The following ATP8A1 variants were observed in gnomAD, a reference collection of about 807,000 sequenced individuals.
The protein encoded by ATP8A1 is phospholipid-transporting ATPase IA.
A neutral mutation model predicts 177.7 loss-of-function variants in ATP8A1; 90 were observed. That is an observed-to-expected ratio of 0.51 (90% CI 0.43 to 0.60). The LOEUF is 0.60. ATP8A1 is among the 20% of genes least tolerant of loss of function. The pLI, the probability that ATP8A1 is intolerant of heterozygous loss-of-function variation, is 0.00. For missense variants in ATP8A1, 1,072 were observed against 1,392.8 expected (o/e 0.77, Z 3.67); for synonymous variants, 493 against 485.9 (o/e 1.01, Z -0.19).
chr4:42,444,008 C>T (rs1471282029), intron 32 of ATP8A1, among the ~76,000 whole-genome samples: 2 of 152,142 alleles, frequency 1.3e-5, no homozygotes, highest in Admixed American at 6.5e-5. Context: ...ACATGTCAGA[C>T]CCTTGTGAGA....
intron 3 of ATP8A1, chr4:42,625,048 A>C (rs1004896190): frequency 1.1e-5 from 1 of 89,590 alleles, no homozygotes; most frequent in Middle Eastern, 6.8e-3. Context: ...CTTGGGAGGA[A>C]AAAAAAAAAA....
chr4:42,517,291 CAA>C (rs34576268), intron 22 of ATP8A1, among the ~76,000 whole-genome samples: 7,476 of 102,522 alleles, frequency 0.073, 458 homozygotes, highest in African/African-American at 0.24. Flanking sequence ...GACTCCGTCT[CAA>C]AAAAAAAAAA....
Position 42,601,033 on chromosome 4 carries a change from C to CCT in ATP8A1, c.410-516_410-515insAG, listed in dbSNP as rs756770114. On this transcript the variant is annotated intron_variant, in intron 5 of 36. Transcript: ENST00000381668. ...AAAAAGCAAAAACAACCCAAATTTT[C>CCT]TTTTTTTTTTTTTTTTTTTTGAGAT... is the stretch of plus-strand genomic sequence containing the variant. 6.0e-3 allele frequency among the ~76,000 whole-genome samples: 619 copies of CCT among 102,398 alleles called. 1 individual carries two copies. Among genetic ancestry groups the CCT allele is most frequent in the Non-Finnish European group, 8.8e-3 (464 of 52,484 alleles). 67.2% of individuals were successfully genotyped at this position (102,398 alleles called of 152,430 possible). A position where few individuals can be genotyped will look rare whatever the true frequency, so the allele number is the denominator to read the frequency against.
chr4:42,566,991 C>T (rs946451454), intron 15 of ATP8A1, among the ~76,000 whole-genome samples: 4 of 152,212 alleles, frequency 2.6e-5, no homozygotes, highest in African/African-American at 7.2e-5. Context: ...TCAAAACCTC[C>T]TGATGATGCA....
At chr4:42,611,380 T>TA (rs1736355312) in intron 5 of ATP8A1, among the ~76,000 whole-genome samples, 1 of 152,186 alleles carries the variant, frequency 6.6e-6, no homozygotes. Flanking sequence ...AGTATCATAA[T>TA]AAAATAGGGT....
At chr4:42,452,124 T>C in intron 29 of ATP8A1, 65 bp from the exon 30 acceptor site, 1 of 1,126,774 alleles carries the variant, frequency 8.9e-7, no homozygotes, top group Non-Finnish European at 1.3e-6. Flanking sequence ...CTCTGACCTT[T>C]CTTTTTATCT....
intron 25 of ATP8A1, chr4:42,472,125 T>C: frequency 1.5e-6 from 1 of 670,086 alleles, no homozygotes; most frequent in Non-Finnish European, 2.9e-6. Context: ...TAAGCCAGCT[T>C]GAAAAAGCCA....
intron 1 of ATP8A1, among the ~76,000 whole-genome samples, chr4:42,653,115 C>T (rs183481065): frequency 3.5e-4 from 53 of 152,320 alleles, no homozygotes; most frequent in Admixed American, 1.6e-3. Flanking sequence ...TCCTAATTCC[C>T]GATTCTCTCC....
At chr4:42,590,020 G>C (rs1560493938) in intron 7 of ATP8A1, among the ~76,000 whole-genome samples, 1 of 152,104 alleles carries the variant, frequency 6.6e-6, no homozygotes, top group Non-Finnish European at 1.5e-5. Context: ...ATTCTTAATA[G>C]TGCTGTGAAA....
chr4:42,469,164 A>G (rs17592784), intron 25 of ATP8A1, among the ~76,000 whole-genome samples: 23,391 of 152,200 alleles, frequency 0.15, 2,232 homozygotes, highest in South Asian at 0.24. Flanking sequence ...TAGCAACTCA[A>G]AAAGTCTTTT....
At position 42,544,394 on chromosome 4, in the gene ATP8A1, A is replaced by G. The variant is rs111264574; in HGVS notation, c.1653-408T>C. Among the ~76,000 whole-genome samples the G allele has an allele frequency of 1.3e-3, 191 of 152,346 alleles. 1 individual carries two copies. Among genetic ancestry groups the G allele is most frequent in the African/African-American group, 4.2e-3 (176 of 41,586 alleles). On this transcript the variant is annotated intron_variant, in intron 19 of 36. Coordinates refer to ENST00000381668, the MANE Select transcript of ATP8A1 (RefSeq NM_006095.2). The stretch of plus-strand genomic sequence containing the variant: ...CAAATCAATTGTTATTAAAAATACA[A>G]ATGACAATCAGTGACACCCCATCAC...
intron 1 of ATP8A1, among the ~76,000 whole-genome samples, chr4:42,641,989 G>GA (rs1553921840): frequency 6.8e-6 from 1 of 146,018 alleles, no homozygotes; most frequent in Admixed American, 6.8e-5. Context: ...ACTCACCTTT[G>GA]TTTTTTTTTT....
At chr4:42,563,426 T>C (rs1466862034) in intron 15 of ATP8A1, among the ~76,000 whole-genome samples, 1 of 152,174 alleles carries the variant, frequency 6.6e-6, no homozygotes, top group Non-Finnish European at 1.5e-5. Context: ...AGCATAAACA[T>C]TTGGAAAATT....
intron 22 of ATP8A1, among the ~76,000 whole-genome samples, chr4:42,511,937 C>CA (rs1358734119): frequency 6.6e-6 from 1 of 152,000 alleles, no homozygotes; most frequent in East Asian, 1.9e-4. Flanking sequence ...TCCTTAAAGA[C>CA]AAAGTAATAT....
intron 15 of ATP8A1, among the ~76,000 whole-genome samples, chr4:42,557,858 C>T (rs1176609884): frequency 7.2e-5 from 11 of 152,090 alleles, no homozygotes; most frequent in African/African-American, 2.7e-4. Flanking sequence ...GCCTGGCCAA[C>T]ATGATGAAAC....
intron 1 of ATP8A1, among the ~76,000 whole-genome samples, chr4:42,627,321 T>C (rs1056497375): frequency 2.6e-5 from 4 of 152,190 alleles, no homozygotes; most frequent in African/African-American, 9.7e-5. Flanking sequence ...AACTGAGCCA[T>C]ATCAAAAACA....
chr4:42,480,971 C>T (rs1721611342), intron 25 of ATP8A1, among the ~76,000 whole-genome samples: 1 of 152,168 alleles, frequency 6.6e-6, no homozygotes, highest in African/African-American at 2.4e-5. Flanking sequence ...AATTTTCAAC[C>T]AACTGTCACA....
chr4:42,593,689 T>C (rs1045808486), intron 6 of ATP8A1, among the ~76,000 whole-genome samples: 2 of 152,092 alleles, frequency 1.3e-5, no homozygotes, highest in African/African-American at 4.8e-5. Context: ...TAAAACCATT[T>C]GAAAGTCACA....
At chr4:42,487,465 C>T (rs1722308554) in intron 24 of ATP8A1, among the ~76,000 whole-genome samples, 1 of 151,980 alleles carries the variant, frequency 6.6e-6, no homozygotes, top group Admixed American at 6.6e-5. Flanking sequence ...GAGTAATTCC[C>T]CTCCTATCAG....
Sources: allele counts gnomAD v4.1 joint callset (sites outside exome capture counted in the v4.1 genomes callset), GRCh38; gene constraint gnomAD v4.1.1; transcripts MANE v1.5; gene names NCBI Gene and HGNC (gene_info 2026-07-23, HGNC 2026-07-21).